HOOK3: variants seen among roughly 807,000 people sequenced by gnomAD.
The protein encoded by HOOK3 is protein Hook homolog 3.
A neutral mutation model predicts 116.3 loss-of-function variants in HOOK3; 24 were observed. The ratio of observed to expected loss-of-function variants is 0.21; its 90% CI spans 0.15 to 0.29. HOOK3 has a LOEUF of 0.29. HOOK3 is among the 10% of genes least tolerant of loss of function. The probability of loss-of-function intolerance (pLI) is 1.00; values close to 1 mark genes in which losing one functional copy is unlikely to be tolerated. For synonymous variants in HOOK3, 275 were observed against 283.0 expected, an observed-to-expected ratio of 0.97 and a Z score of 0.28; for missense variants, 632 against 830.2, an observed-to-expected ratio of 0.76 and a Z score of 2.93.
chr8:42,940,401 A>G, intron 4 of HOOK3, among the ~76,000 whole-genome samples: 1 of 152,208 alleles, frequency 6.6e-6, no homozygotes, highest in East Asian at 1.9e-4. Context: ...AGAATCAGGC[A>G]GGGAGGTTGC....
chr8:43,009,287 AC>A (rs1174640571), intron 18 of HOOK3, among the ~76,000 whole-genome samples: 1 of 150,462 alleles, frequency 6.6e-6, no homozygotes. Context: ...ACACCTGTAG[AC>A]CCAGCTACTC....
intron 6 of HOOK3, among the ~76,000 whole-genome samples, chr8:42,956,218 T>G (rs1808431170): frequency 7.8e-6 from 1 of 128,400 alleles, no homozygotes; most frequent in Admixed American, 7.5e-5. Context: ...ACATAAGGAT[T>G]AGGGCGTGTG....
chr8:42,938,477 C>T (rs1483808155), intron 4 of HOOK3, among the ~76,000 whole-genome samples: 4 of 152,050 alleles, frequency 2.6e-5, no homozygotes, highest in Non-Finnish European at 4.4e-5. Flanking sequence ...GATGCAGTTT[C>T]TTCATGGTGT....
At chr8:43,011,236 G>A (rs537499311) in intron 19 of HOOK3, among the ~76,000 whole-genome samples, 19 of 152,078 alleles carry the variant, frequency 1.2e-4, no homozygotes, top group South Asian at 4.2e-4. Context: ...CTCGTGATCC[G>A]CCCGCCTCGG....
At chr8:42,918,503 A>T (rs1175822766) in intron 2 of HOOK3, among the ~76,000 whole-genome samples, 1 of 151,968 alleles carries the variant, frequency 6.6e-6, no homozygotes, top group Non-Finnish European at 1.5e-5. Context: ...CATAGGACAA[A>T]AGTGGAGGGA....
intron 1 of HOOK3, among the ~76,000 whole-genome samples, chr8:42,904,543 C>A (rs565729032): frequency 5.5e-4 from 83 of 152,134 alleles, no homozygotes; most frequent in Admixed American, 1.1e-3. Context: ...GATCTCCAGA[C>A]CTCGTGATCC....
At chr8:42,986,601 T>A (rs1307391707) in intron 14 of HOOK3, 54 bp from the exon 15 acceptor site, 22 of 1,412,858 alleles carry the variant, frequency 1.6e-5, no homozygotes, top group Middle Eastern at 5.0e-4. Context: ...TGTTGTATAT[T>A]AATGCACCAA....
In HOOK3 at chr8:42,897,170, C is replaced by T. The variant is rs1807007363; in HGVS notation, c.39C>T (p.Cys13=). 2 of 1,247,958 alleles carry T rather than the reference C, an allele frequency of 1.6e-6. No homozygotes were observed. The highest frequency in any genetic ancestry group is 1.6e-5 in the African/African-American group (1 of 64,312). 77.3% of individuals were successfully genotyped at this position (1,247,958 alleles called of 1,614,324 possible). Residue 13 remains cysteine, a synonymous_variant, in exon 1 of 22, where the codon TGC becomes TGT. Transcript: ENST00000307602. The part of the protein sequence containing the change: ...SVESLERAEL[C]ESLLTWIQTF... ...AGTCGCTGGAGCGGGCGGAGCTGTG[C>T]GAGAGCCTCCTCACTTGGGTACGTG...
chr8:42,929,959 CT>C (rs1807843122), intron 3 of HOOK3, among the ~76,000 whole-genome samples, 162 bp from the exon 4 acceptor site: 1 of 152,004 alleles, frequency 6.6e-6, no homozygotes, highest in Non-Finnish European at 1.5e-5. Context: ...TATAGTAGTA[CT>C]TTTTGATGAT....
intron 16 of HOOK3, chr8:42,997,843 T>C (rs1337747845): frequency 2.2e-5 from 10 of 456,064 alleles, no homozygotes; most frequent in African/African-American, 6.0e-5. Flanking sequence ...CTGCTGGGAA[T>C]TAGAAGTTCA....
At chr8:42,966,324 G>C (rs534791863) in intron 9 of HOOK3, 149 bp from the exon 10 acceptor site, 11 of 687,622 alleles carry the variant, frequency 1.6e-5, no homozygotes, top group African/African-American at 1.6e-4. Flanking sequence ...ATGACAGTTA[G>C]TGCTTGAGAA....
chr8:42,899,434 A>G (rs1295371349), intron 1 of HOOK3, among the ~76,000 whole-genome samples: 2 of 152,228 alleles, frequency 1.3e-5, no homozygotes, highest in African/African-American at 2.4e-5. Flanking sequence ...TAAAATTTGG[A>G]AACACTTTAA....
At chr8:42,977,110 C>T (rs2130438680) in intron 13 of HOOK3, among the ~76,000 whole-genome samples, 1 of 152,288 alleles carries the variant, frequency 6.6e-6, no homozygotes, top group African/African-American at 2.4e-5. Flanking sequence ...CCTCACTTTG[C>T]ATGTTGGGAG....
chr8:42,922,737 A>G (rs1450583214), intron 2 of HOOK3, among the ~76,000 whole-genome samples: 1 of 151,664 alleles, frequency 6.6e-6, no homozygotes, highest in Non-Finnish European at 1.5e-5. Flanking sequence ...TGTCTCTACT[A>G]AAAAATACAA....
chr8:42,919,683 G>C (rs905883060), intron 2 of HOOK3, among the ~76,000 whole-genome samples: 6 of 152,230 alleles, frequency 3.9e-5, no homozygotes, highest in African/African-American at 1.4e-4. Flanking sequence ...GACTCCGTCT[G>C]CAATCCCGGC....
Position 43,010,322 on chromosome 8 carries a change from T to C in HOOK3, c.1756T>C (p.Leu586=). Residue 586 remains leucine, a synonymous_variant, in exon 19 of 22, where the codon TTA becomes CTA. Transcript: ENST00000307602. ...FNNSSLKIEE[L]QEALRKKEEE... ...ATCTGCAGCCTTAAAAATTGAAGAA[T>C]TACAAGAAGCTTTACGAAAGAAAGA... The C allele has an allele frequency of 7.0e-7, 1 of 1,424,954 alleles. No homozygotes were observed. The highest frequency in any genetic ancestry group is 2.7e-5 in the East Asian group (1 of 36,590). The allele number at this position is 1,424,954 out of a possible 1,614,324, so 88.3% of individuals were successfully genotyped here.
chr8:42,992,710 CAAAAAAAAAAA>C (rs35064772), intron 15 of HOOK3, among the ~76,000 whole-genome samples: 2 of 56,592 alleles, frequency 3.5e-5, no homozygotes, highest in African/African-American at 6.2e-5. Flanking sequence ...GACTCCATCT[CAAAAAAAAAAA>C]AAAAAAAAAA....
intron 1 of HOOK3, 92 bp from the exon 2 acceptor site, chr8:42,906,081 C>G (rs567841163): frequency 2.3e-6 from 2 of 873,278 alleles, no homozygotes; most frequent in Admixed American, 4.2e-5. Flanking sequence ...GGCTAGACTC[C>G]GTCTCCAAAA....
At chr8:42,920,652 C>T (rs1015077551) in intron 2 of HOOK3, among the ~76,000 whole-genome samples, 1 of 152,160 alleles carries the variant, frequency 6.6e-6, no homozygotes, top group Admixed American at 6.5e-5. Flanking sequence ...GGATAATTAG[C>T]CACAGGGCCT....
Sources: allele counts gnomAD v4.1 joint callset (sites outside exome capture counted in the v4.1 genomes callset), GRCh38; gene constraint gnomAD v4.1.1; transcripts MANE v1.5; gene names NCBI Gene and HGNC (gene_info 2026-07-23, HGNC 2026-07-21).